RAD51B: variants seen among roughly 807,000 people sequenced by gnomAD.
RAD51B encodes the protein RAD51 paralog B.
In RAD51B, 38 loss-of-function variants were observed where a neutral mutation model predicts 42.2. That is an observed-to-expected ratio of 0.90 (90% CI 0.70 to 1.18). RAD51B has a LOEUF of 1.18. RAD51B is among the 50% of genes most tolerant of loss of function. RAD51B has a pLI of 0.00. For synonymous variants in RAD51B, 154 were observed against 145.2 expected (o/e 1.06, Z -0.43); for missense variants, 373 against 400.7 (o/e 0.93, Z 0.59).
intron 9 of RAD51B, among the ~76,000 whole-genome samples, chr14:68,421,293 G>C (rs1594811146): frequency 6.6e-6 from 1 of 152,034 alleles, no homozygotes; most frequent in African/African-American, 2.4e-5. Context: ...TGCTGTTGCT[G>C]GGGGAGTATC....
At chr14:68,598,171 A>G (rs1182968894), downstream of RAD51B, among the ~76,000 whole-genome samples, 1 of 152,198 alleles carries the variant, frequency 6.6e-6, no homozygotes, top group African/African-American at 2.4e-5. Flanking sequence ...TTTATTATTG[A>G]TGATGATGAA....
chr14:68,053,274 T>C (rs1566608887), intron 7 of RAD51B, among the ~76,000 whole-genome samples: 1 of 152,184 alleles, frequency 6.6e-6, no homozygotes, highest in Non-Finnish European at 1.5e-5. Context: ...TTAAGTTTTG[T>C]ACGAAAGAAT....
At chr14:68,041,335 A>G (rs1211656581) in intron 7 of RAD51B, among the ~76,000 whole-genome samples, 1 of 152,128 alleles carries the variant, frequency 6.6e-6, no homozygotes, top group Non-Finnish European at 1.5e-5. Flanking sequence ...TAGCAGTGTG[A>G]GAATGCACTA....
intron 7 of RAD51B, among the ~76,000 whole-genome samples, chr14:67,895,089 ATTTAGAAAGTCAGTGCTC>A (rs2043367722): frequency 6.6e-6 from 1 of 152,162 alleles, no homozygotes; most frequent in Non-Finnish European, 1.5e-5. Flanking sequence ...TTCCATTCTT[ATTTAGAAAGTCAGTGCTC>A]TTTTGGAGAC....
chr14:68,421,635 AG>A (rs1008383326), intron 9 of RAD51B: 7 of 1,307,918 alleles, frequency 5.4e-6, no homozygotes, highest in African/African-American at 2.9e-5. Context: ...AACGGGGTGG[AG>A]GGGTGCTCTC....
At chr14:68,487,189 C>T (rs781716744) in intron 10 of RAD51B, among the ~76,000 whole-genome samples, 8 of 152,178 alleles carry the variant, frequency 5.3e-5, no homozygotes, top group Non-Finnish European at 1.0e-4. Flanking sequence ...ACTGGAAATC[C>T]GCAATCCAGG....
At chr14:68,619,567 C>T (rs1891901626) in intron 10 of RAD51B, among the ~76,000 whole-genome samples, 1 of 152,000 alleles carries the variant, frequency 6.6e-6, no homozygotes, top group Non-Finnish European at 1.5e-5. Flanking sequence ...GCAAGTTAGA[C>T]AGAGTCATTT....
rs869311369 is a variant in RAD51B, at chr14:67,897,651, C to CT, written c.756+10462dup. Among the ~76,000 whole-genome samples the CT allele has an allele frequency of 7.6e-3, 1,075 of 141,440 alleles. 10 individuals carry two copies. The highest frequency in any genetic ancestry group is 0.041 in the Middle Eastern group (11 of 266). 92.8% of individuals were successfully genotyped at this position (141,440 alleles called of 152,430 possible). On this transcript the variant is annotated intron_variant, in intron 7 of 10. Coordinates refer to ENST00000471583, the MANE Select transcript of RAD51B (RefSeq NM_133510.4). ...GTGAAGAAAAGAGAACCCTTGTTCA[C>CT]TTTTTTTTTTTTTTTGAGATGGAGT... is the stretch of plus-strand genomic sequence containing the variant.
At chr14:68,342,306 A>G (rs887478855) in intron 8 of RAD51B, among the ~76,000 whole-genome samples, 1 of 152,238 alleles carries the variant, frequency 6.6e-6, no homozygotes, top group Non-Finnish European at 1.5e-5. Flanking sequence ...TTACTAGTCA[A>G]GGGCTTCAGG....
intron 7 of RAD51B, among the ~76,000 whole-genome samples, chr14:68,001,078 A>G (rs554730490): frequency 1.3e-5 from 2 of 152,224 alleles, no homozygotes; most frequent in South Asian, 4.1e-4. Flanking sequence ...AGATTTATTC[A>G]TGGGTTTTTA....
At chr14:68,237,198 A>C (rs1257509745) in intron 7 of RAD51B, among the ~76,000 whole-genome samples, 1 of 152,212 alleles carries the variant, frequency 6.6e-6, no homozygotes, top group East Asian at 1.9e-4. Context: ...ACCTGGATTC[A>C]AGTGTCTATT....
intron 7 of RAD51B, among the ~76,000 whole-genome samples, chr14:68,093,430 A>G (rs1406970765): frequency 6.6e-6 from 1 of 152,056 alleles, no homozygotes; most frequent in African/African-American, 2.4e-5. Context: ...TAGTTTTGGG[A>G]GGGTGTATGT....
intron 11 of RAD51B, among the ~76,000 whole-genome samples, chr14:68,664,703 T>A (rs1457080117): frequency 6.6e-6 from 1 of 152,192 alleles, no homozygotes; most frequent in African/African-American, 2.4e-5. Context: ...TGGGTTCATA[T>A]GTGCTTATTT....
intron 7 of RAD51B, among the ~76,000 whole-genome samples, chr14:68,082,477 A>G (rs540191512): frequency 1.3e-5 from 2 of 150,422 alleles, no homozygotes; most frequent in African/African-American, 4.9e-5. Context: ...AGAAAGATAT[A>G]TATATATATA....
intron 10 of RAD51B, among the ~76,000 whole-genome samples, chr14:68,588,526 G>A (rs1890594226): frequency 6.6e-6 from 1 of 152,196 alleles, no homozygotes; most frequent in Admixed American, 6.5e-5. Flanking sequence ...GAGGGACCAA[G>A]CTTTCTCATG....
intron 8 of RAD51B, among the ~76,000 whole-genome samples, chr14:68,325,805 C>T (rs961847844): frequency 7.2e-5 from 11 of 151,990 alleles, no homozygotes; most frequent in Non-Finnish European, 1.5e-4. Flanking sequence ...ACTCAGTATA[C>T]ACAACTGTCA....
chr14:68,238,049 C>T (rs2080302619), intron 7 of RAD51B, among the ~76,000 whole-genome samples: 1 of 152,088 alleles, frequency 6.6e-6, no homozygotes, highest in African/African-American at 2.4e-5. Context: ...AGTAGAATTG[C>T]TGGGTTATAT....
chr14:68,589,765 C>G (rs886278244), intron 10 of RAD51B, among the ~76,000 whole-genome samples: 2 of 152,164 alleles, frequency 1.3e-5, no homozygotes, highest in Non-Finnish European at 2.9e-5. Flanking sequence ...TCCATTCTTG[C>G]CTCTCTTCCT....
At chr14:67,868,863 G>C (rs1240224934) in intron 5 of RAD51B, among the ~76,000 whole-genome samples, 1 of 152,110 alleles carries the variant, frequency 6.6e-6, no homozygotes, top group African/African-American at 2.4e-5. Flanking sequence ...CAGCAGACCT[G>C]CAGCTGAGGG....
Sources: allele counts gnomAD v4.1 joint callset (sites outside exome capture counted in the v4.1 genomes callset), GRCh38; gene constraint gnomAD v4.1.1; transcripts MANE v1.5; gene names NCBI Gene and HGNC (gene_info 2026-07-23, HGNC 2026-07-21).